Variants in KCNIP1 observed in about 807,000 individuals in gnomAD.
The protein encoded by KCNIP1 is potassium voltage-gated channel interacting protein 1, also known as A-type potassium channel modulatory protein KCNIP1.
A neutral mutation model predicts 33.0 loss-of-function variants in KCNIP1; 18 were observed. That is an observed-to-expected ratio of 0.55 (90% CI 0.38 to 0.81). The LOEUF (loss-of-function observed/expected upper bound fraction) is 0.81. Among genes scored for constraint, KCNIP1 ranks in the 30% least tolerant of loss-of-function variants. The pLI, the probability that KCNIP1 is intolerant of heterozygous loss-of-function variation, is 0.00. For synonymous variants in KCNIP1, 93 were observed against 98.3 expected (o/e 0.95, Z 0.32); for missense variants, 238 against 271.6 (o/e 0.88, Z 0.87).
chr5:170,428,701 G>T (rs1054911931), intron 1 of KCNIP1, among the ~76,000 whole-genome samples: 4 of 152,054 alleles, frequency 2.6e-5, no homozygotes, highest in Admixed American at 2.6e-4. Context: ...TAGGAAGAAA[G>T]GTGTGTGTCA....
At chr5:170,610,937 C>A (rs1184118107) in intron 1 of KCNIP1, among the ~76,000 whole-genome samples, 1 of 152,182 alleles carries the variant, frequency 6.6e-6, no homozygotes, top group African/African-American at 2.4e-5. Context: ...TCACTTATAT[C>A]ATTTGCCTTT....
intron 1 of KCNIP1, among the ~76,000 whole-genome samples, chr5:170,468,572 T>A (rs1756656973): frequency 1.3e-5 from 2 of 152,148 alleles, no homozygotes; most frequent in East Asian, 3.8e-4. Context: ...AATTAATAGT[T>A]TTTTTATTAT....
At chr5:170,550,177 G>A (rs1398644677) in intron 1 of KCNIP1, among the ~76,000 whole-genome samples, 2 of 152,088 alleles carry the variant, frequency 1.3e-5, no homozygotes, top group Admixed American at 1.3e-4. Flanking sequence ...ATCCAGCCTG[G>A]GAGATGCAAA....
intron 1 of KCNIP1, among the ~76,000 whole-genome samples, chr5:170,493,902 G>A (rs1757257540): frequency 6.6e-6 from 1 of 152,202 alleles, no homozygotes; most frequent in African/African-American, 2.4e-5. Flanking sequence ...AGCTTTCTAA[G>A]GGCCAGAACC....
intron 1 of KCNIP1, among the ~76,000 whole-genome samples, chr5:170,627,876 GGGACCC>G (rs1759894414): frequency 6.6e-6 from 1 of 152,218 alleles, no homozygotes; most frequent in Non-Finnish European, 1.5e-5. Flanking sequence ...CAAAGCTCCA[GGGACCC>G]CAAAGAAACG....
At chr5:170,540,291 G>C (rs1756149114) in intron 1 of KCNIP1, among the ~76,000 whole-genome samples, 1 of 152,184 alleles carries the variant, frequency 6.6e-6, no homozygotes, top group Non-Finnish European at 1.5e-5. Context: ...TTCTTGGATA[G>C]AGTGCCTGCC....
intron 1 of KCNIP1, among the ~76,000 whole-genome samples, chr5:170,588,477 C>T (rs1758080635): frequency 6.6e-6 from 1 of 152,282 alleles, no homozygotes; most frequent in African/African-American, 2.4e-5. Flanking sequence ...TGAACAGAAG[C>T]GAGCAGCAGC....
At chr5:170,379,041 G>C in intron 1 of KCNIP1, 2 of 1,550,196 alleles carry the variant, frequency 1.3e-6, no homozygotes, top group Non-Finnish European at 8.7e-7. Context: ...GCTTGATATG[G>C]AGTAAAGAAA....
intron 1 of KCNIP1, among the ~76,000 whole-genome samples, chr5:170,667,677 C>A (rs1761757866): frequency 6.6e-6 from 1 of 152,206 alleles, no homozygotes; most frequent in Non-Finnish European, 1.5e-5. Flanking sequence ...ACCTGCTGGG[C>A]AGCAGCCTGA....
rs111992341 is a variant in KCNIP1 at position 170,521,168 on chromosome 5, C to T, written c.61+16535C>T. 7.6e-3 allele frequency among the ~76,000 whole-genome samples: 1,151 copies of T among 152,322 alleles called. 12 individuals are homozygous for T. The highest frequency in any genetic ancestry group is 0.025 in the African/African-American group (1,055 of 41,572). On this transcript the variant is annotated intron_variant, in intron 1 of 7. Transcript: ENST00000328939. ...CATGACACTGCCTGGCATGTGCTAT[C>T]CCTCCCATATCCATCAGCCATGGCA... is the stretch of plus-strand genomic sequence containing the variant.
Position 170,489,009 on chromosome 5 carries a change from A to C in KCNIP1, c.88+135045A>C, listed in dbSNP as rs987800017. ...TGCAGAGCTGAGCCAAGCAGGTAAGAGTACTGACCCCGAGCCCACTCGGGC... is the reference window on the plus strand; with the variant it reads ...TGCAGAGCTGAGCCAAGCAGGTAAGCGTACTGACCCCGAGCCCACTCGGGC... On this transcript the variant is annotated intron_variant, in intron 1 of 7. Transcript: ENST00000377360. The surrounding 1 kb of genome is among the most constrained non-coding windows in gnomAD (Gnocchi z 4.3). Among the ~76,000 whole-genome samples, 1 of 151,938 alleles carries C rather than the reference A, an allele frequency of 6.6e-6. No individual in the cohort carries two copies. The highest frequency in any genetic ancestry group is 1.5e-5 in the Non-Finnish European group (1 of 67,970).
chr5:170,702,820 A>G (rs1581521242), intron 1 of KCNIP1, among the ~76,000 whole-genome samples: 1 of 151,778 alleles, frequency 6.6e-6, no homozygotes, highest in Non-Finnish European at 1.5e-5. Context: ...CTAATAAGAA[A>G]TCAACAATTA....
intron 1 of KCNIP1, among the ~76,000 whole-genome samples, chr5:170,568,678 C>T (rs192050253): frequency 9.1e-5 from 2 of 21,936 alleles, no homozygotes; most frequent in Admixed American, 1.2e-3. Context: ...AAAAAATTAG[C>T]CAAGCATGGT....
rs1386580971 is a variant in KCNIP1, at chr5:170,480,328, A to T, written c.88+126364A>T. On this transcript the variant is annotated intron_variant, in intron 1 of 7. Transcript: ENST00000377360. ...GCCAGCTCTGGGGTTACTGATTCTT[A>T]TTTGAAACTGATAAAGTGTCTCCCA... Among the ~76,000 whole-genome samples the T allele has an allele frequency of 2.6e-5, 4 of 152,316 alleles. No homozygotes were observed. In the East Asian group the frequency reaches 5.8e-4, roughly 22 times the overall value.
In KCNIP1 at chr5:170,470,349, A is replaced by G. The variant is rs1473838118; in HGVS notation, c.88+116385A>G. On this transcript the variant is annotated intron_variant, in intron 1 of 7. Coordinates refer to the KCNIP1 transcript ENST00000377360. ...AACACAACAGAATCAACATGCCTGT[A>G]ACAGAATTGCCCTATGCCCCCTCTC... 9.2e-5 allele frequency among the ~76,000 whole-genome samples: 14 copies of G among 152,126 alleles called. No homozygotes were observed. In the East Asian group the frequency reaches 2.3e-3, roughly 25 times the overall value.
At chr5:170,482,977 T>C in intron 1 of KCNIP1, 1 of 420,120 alleles carries the variant, frequency 2.4e-6, no homozygotes, top group South Asian at 1.8e-5. Flanking sequence ...ATTCCATGCA[T>C]CCCTAGAAAA....
intron 1 of KCNIP1, among the ~76,000 whole-genome samples, chr5:170,588,345 C>G (rs74688472): frequency 0.087 from 13,175 of 152,250 alleles, 640 homozygotes; most frequent in South Asian, 0.12. Flanking sequence ...TCAGCTGCCT[C>G]GCATCAGGGC....
intron 1 of KCNIP1, among the ~76,000 whole-genome samples, chr5:170,607,090 A>G (rs546288547): frequency 1.4e-4 from 22 of 152,288 alleles, no homozygotes; most frequent in African/African-American, 5.3e-4. Flanking sequence ...CCTCCTGTTC[A>G]CCAGCATGCA....
chr5:170,682,025 C>G (rs1252900190), intron 1 of KCNIP1, among the ~76,000 whole-genome samples: 1 of 152,154 alleles, frequency 6.6e-6, no homozygotes, highest in South Asian at 2.1e-4. Flanking sequence ...TATATTCTTC[C>G]ACCACTGCAT....
Sources: gnomAD v4.1 joint callset for allele counts (sites outside exome capture counted in the v4.1 genomes callset) on GRCh38, gnomAD v4.1.1 for gene constraint, Gnocchi (gnomAD v3.1) non-coding constraint, MANE v1.5 for transcripts, NCBI Gene and HGNC (gene_info 2026-07-23, HGNC 2026-07-21) for gene names.